The following MYO1G variants were observed in gnomAD, a reference collection of about 807,000 sequenced individuals.
MYO1G encodes the protein unconventional myosin-Ig.
In MYO1G, 65 loss-of-function variants were observed where a neutral mutation model predicts 115.3. The observed-to-expected ratio is 0.56, with a 90% CI of 0.46 to 0.69. The LOEUF is 0.69. MYO1G is among the 30% of genes least tolerant of loss of function. The probability of loss-of-function intolerance (pLI) is 0.00; values close to 1 mark genes in which losing one functional copy is unlikely to be tolerated. For synonymous variants in MYO1G, 510 were observed against 552.6 expected (o/e 0.92, Z 1.08); for missense variants, 1,204 against 1,393.5 (o/e 0.86, Z 2.16).
chr7:44,964,594 C>G lies in MYO1G; in HGVS notation c.2527-75G>C. ...ACCAGACTCAATTGATAGCAGCTGT[C>G]TGTGAATCAGCATAGCTATCCTTCA... On this transcript the variant is annotated intron_variant, in intron 18 of 21. Coordinates refer to ENST00000258787, the MANE Select transcript of MYO1G (RefSeq NM_033054.3). This position sits in a 1 kb window ranked among gnomAD's most constrained non-coding sequence, Gnocchi z 5.1. 8.4e-7 allele frequency: 1 copy of G among 1,189,178 alleles called. No individual in the cohort carries two copies. Among genetic ancestry groups the G allele is most frequent in the Non-Finnish European group, 1.3e-6 (1 of 796,060 alleles). 73.7% of individuals were successfully genotyped at this position (1,189,178 alleles called of 1,614,324 possible).
rs767347183 is a variant in MYO1G, at chr7:44,964,420, G to A, written c.2626C>T (p.Arg876Cys). 8.1e-6 allele frequency: 13 copies of A among 1,613,018 alleles called. No individual in the cohort carries two copies. Among genetic ancestry groups the A allele is most frequent in the South Asian group, 7.7e-5 (7 of 91,052 alleles). Residue 876 changes from arginine (R) to cysteine (C), a missense_variant, in exon 19 of 22, where the codon CGC becomes TGC. By Grantham distance (180) the Arg-to-Cys change is radical. Coordinates refer to ENST00000258787, the MANE Select transcript of MYO1G (RefSeq NM_033054.3). The surrounding 1 kb of genome is among the most constrained non-coding windows in gnomAD (Gnocchi z 5.1). ...ATCCTTGTCCCTTGTCTAACCTTGC[G>A]GACATGGCTTGAAAAGAGCACAGCC... ...FGAVLFSSHV[R>C]KVNRFHKIRN...
chr7:44,966,412 A>C lies in MYO1G; in HGVS notation c.1950-132T>G. ...CCTGGAGCACTTATGACACCTGTGCACATATGTCTTCCCATACACATGTCC... is the reference window on the plus strand; with the variant it reads ...CCTGGAGCACTTATGACACCTGTGCCCATATGTCTTCCCATACACATGTCC... On this transcript the variant is annotated intron_variant, in intron 15 of 21. Coordinates refer to ENST00000258787, the MANE Select transcript of MYO1G (RefSeq NM_033054.3). This position sits in a 1 kb window ranked among gnomAD's most constrained non-coding sequence, Gnocchi z 5.0. 1.1e-6 allele frequency: 1 copy of C among 883,426 alleles called. No individual in the cohort carries two copies. Among genetic ancestry groups the C allele is most frequent in the Non-Finnish European group, 1.8e-6 (1 of 552,704 alleles). The allele number at this position is 883,426 out of a possible 1,614,324, so 54.7% of individuals were successfully genotyped here.
chr7:44,973,457 C>T (rs1445245038), intron 5 of MYO1G: 2 of 152,150 alleles, frequency 1.3e-5, no homozygotes, highest in African/African-American at 2.4e-5. Context: ...TCCGTGGAGA[C>T]ACTGCTTCAC....
chr7:44,970,724 C>T lies in MYO1G; in HGVS notation c.1085G>A (p.Arg362Gln), dbSNP rs748567359. 46 of 1,613,912 alleles carry T rather than the reference C, an allele frequency of 2.9e-5. No individual in the cohort carries two copies. The highest frequency in any genetic ancestry group is 4.5e-5 in the East Asian group (2 of 44,896). Reference sequence around the variant, plus strand: ...CCTGTTCACCACCCACTCAAACAGCCGCTGGTACACTGCCTGGGGGATAGG... The same window carrying T: ...CCTGTTCACCACCCACTCAAACAGCTGCTGGTACACTGCCTGGGGGATAGG... ...RDACAKAVYQRLFEWVVNRIN... is the reference protein window; with the variant it reads ...RDACAKAVYQQLFEWVVNRIN... The change falls in exon 9 of 22, where the codon CGG (arginine) becomes CAG (glutamine). Residue 362 changes from arginine to glutamine, a missense_variant. By Grantham distance (43) the Arg-to-Gln change is conservative (BLOSUM62 1). Transcript: ENST00000258787.
chr7:44,975,685 A>G (rs775118523), intron 3 of MYO1G, 36 bp from the exon 4 acceptor site: 1 of 1,541,916 alleles, frequency 6.5e-7, no homozygotes, highest in South Asian at 1.2e-5. Flanking sequence ...TAAGGCAAAG[A>G]CTTCCCATCT....
Position 44,970,691 on chromosome 7 carries a change from C to T in MYO1G, c.1118G>A (p.Ser373Asn), listed in dbSNP as rs1031615007. The change falls in exon 9 of 22, where the codon AGT (serine) becomes AAT (asparagine). Residue 373 changes from serine (S) to asparagine (N), a missense_variant. By Grantham distance (46) the Ser-to-Asn change is conservative (BLOSUM62 1). Coordinates refer to ENST00000258787, the MANE Select transcript of MYO1G (RefSeq NM_033054.3). ...ATCCCGGCCCCGGGGTTCCATGACACTGTTGATCCTGTTCACCACCCACTC... is the reference window on the plus strand; with the variant it reads ...ATCCCGGCCCCGGGGTTCCATGACATTGTTGATCCTGTTCACCACCCACTC... ...LFEWVVNRIN[S>N]VMEPRGRDPR... is the part of the protein sequence containing the mutation. The T allele has an allele frequency of 6.2e-7, 1 of 1,614,016 alleles. No individual in the cohort carries two copies. The highest frequency in any genetic ancestry group is 8.5e-7 in the Non-Finnish European group (1 of 1,180,040).
chr7:44,966,568 G>T lies in MYO1G; in HGVS notation c.1949+104C>A. On this transcript the variant is annotated intron_variant, in intron 15 of 21. Transcript: ENST00000258787. The surrounding 1 kb of genome is among the most constrained non-coding windows in gnomAD (Gnocchi z 5.0). ...GCCAGCAGCGTGCTGGTTCCTGCTT[G>T]TATCGATGTTTGCGACGTGCTGTTT... The T allele has an allele frequency of 7.1e-7, 1 of 1,408,928 alleles. No homozygotes were observed. Among genetic ancestry groups the T allele is most frequent in the Non-Finnish European group, 1.0e-6 (1 of 1,003,820 alleles). The allele number at this position is 1,408,928 out of a possible 1,614,324, so 87.3% of individuals were successfully genotyped here.
chr7:44,973,190 G>T (rs1443728461), intron 5 of MYO1G: 1 of 151,502 alleles, frequency 6.6e-6, no homozygotes, highest in Non-Finnish European at 1.5e-5. Context: ...CACTCCTTGT[G>T]TTCCAGAGGG....
intron 3 of MYO1G, 69 bp downstream of exon 3, chr7:44,976,495 A>T (rs1211441553): frequency 6.8e-7 from 1 of 1,470,978 alleles, no homozygotes; most frequent in Non-Finnish European, 9.5e-7. Context: ...CCCCAGAGCC[A>T]GCCCTTCCTG....
At chr7:44,965,346 C>T (rs2128701084) in intron 17 of MYO1G, among the ~76,000 whole-genome samples, 1 of 152,230 alleles carries the variant, frequency 6.6e-6, no homozygotes, top group East Asian at 1.9e-4. Context: ...TCCTACTCAG[C>T]CCTCAAGACC....
intron 9 of MYO1G, 23 bp from the exon 10 acceptor site, chr7:44,970,177 A>C: frequency 6.6e-7 from 1 of 1,517,618 alleles, no homozygotes; most frequent in Non-Finnish European, 9.1e-7. Flanking sequence ...TGGGCCTTTC[A>C]GAGGGGAGGT....
intron 3 of MYO1G, among the ~76,000 whole-genome samples, chr7:44,975,882 C>T (rs1308812553): frequency 6.6e-6 from 1 of 152,224 alleles, no homozygotes; most frequent in African/African-American, 2.4e-5. Flanking sequence ...CTGTGCTCAG[C>T]ATGGTCTGTG....
chr7:44,974,311 C>T (rs1395265480), intron 5 of MYO1G: 1 of 150,656 alleles, frequency 6.6e-6, no homozygotes, highest in Non-Finnish European at 1.5e-5. Flanking sequence ...GCTCCTGTCT[C>T]ATGGGGAGCA....
Position 44,964,341 on chromosome 7 carries a change from C to A in MYO1G, c.2631+74G>T, listed in dbSNP as rs1794800857. The A allele has an allele frequency of 6.8e-7, 1 of 1,476,078 alleles. No individual in the cohort carries two copies. The highest frequency in any genetic ancestry group is 2.3e-5 in the East Asian group (1 of 43,908). 91.4% of individuals were successfully genotyped at this position (1,476,078 alleles called of 1,614,324 possible). ...TCCCAAGTGCCCCCCCAAAACTCTGCACCAGCTTCTAACCTTGCAGACGTG... is the reference window on the plus strand; with the variant it reads ...TCCCAAGTGCCCCCCCAAAACTCTGAACCAGCTTCTAACCTTGCAGACGTG... On this transcript the variant is annotated intron_variant, in intron 19 of 21. Coordinates refer to ENST00000258787, the MANE Select transcript of MYO1G (RefSeq NM_033054.3). This position sits in a 1 kb window ranked among gnomAD's most constrained non-coding sequence, Gnocchi z 5.1.
chr7:44,971,094 C>T (rs1794950556), intron 7 of MYO1G, 35 bp from the exon 8 acceptor site: 1 of 1,569,888 alleles, frequency 6.4e-7, no homozygotes, highest in Non-Finnish European at 8.7e-7. Flanking sequence ...GTCCGGGCTC[C>T]ATGTCTCAAA....
chr7:44,965,865 G>A lies in MYO1G; in HGVS notation c.2158-5C>T. The A allele has an allele frequency of 6.3e-7, 1 of 1,597,578 alleles. No homozygotes were observed. Among genetic ancestry groups the A allele is most frequent in the East Asian group, 2.2e-5 (1 of 44,854 alleles). ...CGCCAAGGTGCCCCGCCATGCCTGGGTGGGCCAGGTGGGATGGGATACGCA... is the reference window on the plus strand; with the variant it reads ...CGCCAAGGTGCCCCGCCATGCCTGGATGGGCCAGGTGGGATGGGATACGCA... On this transcript the variant is annotated splice_region_variant and splice_polypyrimidine_tract_variant and intron_variant, in intron 16 of 21. Transcript: ENST00000258787.
chr7:44,966,355 C>T lies in MYO1G; in HGVS notation c.1950-75G>A. Reference sequence around the variant, plus strand: ...TGGAGCCCACCCTGCCCACCCCACACCTGGGGAGATGGCAGGGATACAGAG... The same window carrying T: ...TGGAGCCCACCCTGCCCACCCCACATCTGGGGAGATGGCAGGGATACAGAG... On this transcript the variant is annotated intron_variant, in intron 15 of 21. Coordinates refer to ENST00000258787, the MANE Select transcript of MYO1G (RefSeq NM_033054.3). The surrounding 1 kb of genome is among the most constrained non-coding windows in gnomAD (Gnocchi z 5.0). 7.6e-7 allele frequency: 1 copy of T among 1,312,470 alleles called. No individual in the cohort carries two copies. The highest frequency in any genetic ancestry group is 1.1e-6 in the Non-Finnish European group (1 of 941,532). The allele number at this position is 1,312,470 out of a possible 1,614,324, so 81.3% of individuals were successfully genotyped here.
In MYO1G at chr7:44,966,811, G is replaced by T; in HGVS notation, c.1810C>A (p.Pro604Thr). The T allele has an allele frequency of 6.2e-7, 1 of 1,611,870 alleles. No homozygotes were observed. Among genetic ancestry groups the T allele is most frequent in the African/African-American group, 1.3e-5 (1 of 75,010 alleles). The part of the protein sequence containing the change: ...KEPFYVRCIK[P>T]NEDKVAGKLD... ...TTCCCAGCTACCTTGTCCTCATTGG[G>T]CTTGATGCAGCGGACGTAGAAGGGC... The change falls in exon 15 of 22, where the codon CCC (proline) becomes ACC (threonine). Residue 604 changes from proline (P) to threonine (T), a missense_variant. Coordinates refer to ENST00000258787, the MANE Select transcript of MYO1G (RefSeq NM_033054.3). This position sits in a 1 kb window ranked among gnomAD's most constrained non-coding sequence, Gnocchi z 5.0.
chr7:44,964,592 G>T lies in MYO1G; in HGVS notation c.2527-73C>A. 1 of 1,207,030 alleles carries T rather than the reference G, an allele frequency of 8.3e-7. No individual in the cohort carries two copies. Among genetic ancestry groups the T allele is most frequent in the Non-Finnish European group, 1.2e-6 (1 of 811,976 alleles). 74.8% of individuals were successfully genotyped at this position (1,207,030 alleles called of 1,614,324 possible). The stretch of plus-strand genomic sequence containing the variant: ...GGACCAGACTCAATTGATAGCAGCT[G>T]TCTGTGAATCAGCATAGCTATCCTT... On this transcript the variant is annotated intron_variant, in intron 18 of 21. Transcript: ENST00000258787. This position sits in a 1 kb window ranked among gnomAD's most constrained non-coding sequence, Gnocchi z 5.1.
Sources: allele counts gnomAD v4.1 joint callset (sites outside exome capture counted in the v4.1 genomes callset), GRCh38; gene constraint gnomAD v4.1.1; non-coding constraint Gnocchi (gnomAD v3.1); transcripts MANE v1.5; gene names NCBI Gene and HGNC (gene_info 2026-07-23, HGNC 2026-07-21).